Variants in RALGPS1 observed in about 807,000 individuals in gnomAD.
RALGPS1 encodes the protein Ral GEF with PH domain and SH3 binding motif 1, also known as ras-specific guanine nucleotide-releasing factor RalGPS1.
In RALGPS1, 19 loss-of-function variants were observed where a neutral mutation model predicts 78.8. That is an observed-to-expected ratio of 0.24 (90% confidence interval 0.17 to 0.35). The LOEUF is 0.35. Ranked by LOEUF, RALGPS1 falls within the 10% of genes least tolerant of loss-of-function variation. RALGPS1 has a pLI of 1.00. For synonymous variants in RALGPS1, 228 were observed against 256.3 expected (o/e 0.89, Z 1.06); for missense variants, 454 against 688.3 (o/e 0.66, Z 3.81).
intron 8 of RALGPS1, among the ~76,000 whole-genome samples, chr9:127,160,531 C>T (rs1300378792): frequency 6.6e-6 from 1 of 152,158 alleles, no homozygotes; most frequent in African/African-American, 2.4e-5. Context: ...GAGCAGAGCC[C>T]AAGCATGGTC....
At chr9:126,964,893 A>G (rs1430319105) in intron 2 of RALGPS1, among the ~76,000 whole-genome samples, 1 of 152,198 alleles carries the variant, frequency 6.6e-6, no homozygotes, top group Non-Finnish European at 1.5e-5. Context: ...TAATAAAAGC[A>G]TATTCTCTAA....
At chr9:126,978,182 A>G (rs1201096812) in intron 4 of RALGPS1, 1 of 153,986 alleles carries the variant, frequency 6.5e-6, no homozygotes, top group East Asian at 1.9e-4. Context: ...ACATATTTAC[A>G]TTGAAAGCAT....
At chr9:127,149,508 G>T (rs1261903525) in intron 8 of RALGPS1, among the ~76,000 whole-genome samples, 1 of 152,204 alleles carries the variant, frequency 6.6e-6, no homozygotes, top group East Asian at 1.9e-4. Context: ...AATCCACTTG[G>T]AACTAAGTCC....
intron 5 of RALGPS1, among the ~76,000 whole-genome samples, chr9:127,036,723 A>C (rs927311080): frequency 3.9e-5 from 6 of 152,182 alleles, no homozygotes; most frequent in African/African-American, 1.4e-4. Context: ...AGTTCACTAA[A>C]GGTCTTTTAT....
chr9:127,176,810 G>A (rs904701569), intron 11 of RALGPS1, among the ~76,000 whole-genome samples: 1 of 152,222 alleles, frequency 6.6e-6, no homozygotes, highest in Non-Finnish European at 1.5e-5. Flanking sequence ...TCAGGCACAG[G>A]ATGGTGTTCG....
At chr9:126,930,088 T>C (rs1000821772) in intron 1 of RALGPS1, among the ~76,000 whole-genome samples, 2 of 152,134 alleles carry the variant, frequency 1.3e-5, no homozygotes, top group African/African-American at 4.8e-5. Flanking sequence ...GCCTCAGCCT[T>C]CTGAGAATCT....
intron 1 of RALGPS1, among the ~76,000 whole-genome samples, chr9:126,950,440 C>A (rs2037704182): frequency 6.6e-6 from 1 of 152,114 alleles, no homozygotes; most frequent in Non-Finnish European, 1.5e-5. Flanking sequence ...TTCTTCCTAC[C>A]CATGAGCATG....
intron 4 of RALGPS1, among the ~76,000 whole-genome samples, chr9:126,995,311 G>A (rs1174318269): frequency 6.6e-6 from 1 of 152,050 alleles, no homozygotes; most frequent in Non-Finnish European, 1.5e-5. Context: ...ACACACATAG[G>A]CTCAAAATAA....
chr9:127,074,268 TTTAGTA>T (rs1422777654), intron 8 of RALGPS1, among the ~76,000 whole-genome samples: 1 of 152,244 alleles, frequency 6.6e-6, no homozygotes, highest in African/African-American at 2.4e-5. Flanking sequence ...AGCCTTGCCT[TTTAGTA>T]GGGGAATATA....
At chr9:127,184,061 C>G in intron 11 of RALGPS1, 8 of 1,544,296 alleles carry the variant, frequency 5.2e-6, no homozygotes, top group Non-Finnish European at 6.1e-6. Context: ...TGCAGTGGCT[C>G]TCACCTGTAA....
intron 8 of RALGPS1, among the ~76,000 whole-genome samples, chr9:127,073,830 G>T (rs977045675): frequency 6.6e-6 from 1 of 151,938 alleles, no homozygotes; most frequent in Non-Finnish European, 1.5e-5. Flanking sequence ...TGATTCATTT[G>T]CATTTATTTT....
chr9:126,936,533 AT>A (rs1012923283), intron 1 of RALGPS1, among the ~76,000 whole-genome samples: 99 of 148,904 alleles, frequency 6.6e-4, no homozygotes, highest in African/African-American at 1.2e-3. Context: ...TTTATTTATT[AT>A]TTTTTTTTTT....
intron 1 of RALGPS1, among the ~76,000 whole-genome samples, chr9:126,931,931 T>C (rs1223845139): frequency 6.6e-6 from 1 of 151,888 alleles, no homozygotes; most frequent in African/African-American, 2.4e-5. Flanking sequence ...TGCCTCAAAG[T>C]TGAGTTGATA....
At chr9:127,210,205 T>C (rs2062164403) in intron 14 of RALGPS1, among the ~76,000 whole-genome samples, 1 of 152,196 alleles carries the variant, frequency 6.6e-6, no homozygotes, top group African/African-American at 2.4e-5. Context: ...GGGGCCTGGC[T>C]GGAGCCGCAG....
At chr9:127,012,398 C>T (rs1035295905) in intron 4 of RALGPS1, among the ~76,000 whole-genome samples, 7 of 152,224 alleles carry the variant, frequency 4.6e-5, no homozygotes, top group African/African-American at 7.2e-5. Flanking sequence ...TGAGCCTGAC[C>T]GCTTTACAGA....
At chr9:127,089,002 T>C (rs1477324770) in intron 8 of RALGPS1, 1 of 1,614,032 alleles carries the variant, frequency 6.2e-7, no homozygotes, top group Non-Finnish European at 8.5e-7. Context: ...AGTAAGAGCC[T>C]CCTCGGAACT....
At chr9:127,031,432 A>T (rs145991833) in intron 4 of RALGPS1, among the ~76,000 whole-genome samples, 3 of 152,294 alleles carry the variant, frequency 2.0e-5, no homozygotes, top group African/African-American at 7.2e-5. Flanking sequence ...TTCTGTGCTG[A>T]ATTTGGGAGG....
At chr9:127,006,058 C>T (rs565293835) in intron 4 of RALGPS1, among the ~76,000 whole-genome samples, 9 of 152,288 alleles carry the variant, frequency 5.9e-5, no homozygotes, top group Non-Finnish European at 1.2e-4. Flanking sequence ...AAGGAACATA[C>T]CTCAAAGTAA....
chr9:126,962,339 C>T lies in RALGPS1; in HGVS notation c.50C>T (p.Thr17Ile). The stretch of plus-strand genomic sequence containing the variant: ...GCTAGCGTGTTGGTCACCTCTGCCA[C>T]TCCACAGGTACTGAGGCTGCAAGAA... ...LMASVLVTSA[T>I]PQGSSSSDSL... The change falls in exon 2 of 19, where the codon ACT becomes ATT. Residue 17 changes from threonine to isoleucine, a missense_variant. By Grantham distance (89) the Thr-to-Ile change is moderately conservative. Coordinates refer to ENST00000259351, the MANE Select transcript of RALGPS1 (RefSeq NM_014636.3). The T allele has an allele frequency of 6.2e-7, 1 of 1,614,138 alleles. No homozygotes were observed. The highest frequency in any genetic ancestry group is 8.5e-7 in the Non-Finnish European group (1 of 1,179,988).
Sources: gnomAD v4.1 joint callset for allele counts (sites outside exome capture counted in the v4.1 genomes callset) on GRCh38, gnomAD v4.1.1 for gene constraint, MANE v1.5 for transcripts, NCBI Gene and HGNC (gene_info 2026-07-23, HGNC 2026-07-21) for gene names.